PIK3C2G: variants seen among roughly 807,000 people sequenced by gnomAD.
PIK3C2G encodes phosphatidylinositol 3-kinase C2 domain-containing subunit gamma.
PIK3C2G carries 168 observed loss-of-function variants against 181.1 expected under a neutral mutation model. The ratio of observed to expected loss-of-function variants is 0.93; its 90% CI spans 0.82 to 1.05. The LOEUF (loss-of-function observed/expected upper bound fraction) is 1.05, where lower values mean the gene tolerates loss of function less well. Ranked by LOEUF, PIK3C2G falls within the 50% of genes least tolerant of loss-of-function variation. The pLI is 0.00. For synonymous variants in PIK3C2G, 573 were observed against 592.2 expected (o/e 0.97, Z 0.47); for missense variants, 1,869 against 1,732.8 (o/e 1.08, Z -1.40).
the PIK3C2G span, among the ~76,000 whole-genome samples, chr12:18,677,850 T>C: frequency 6.6e-6 from 1 of 152,078 alleles, no homozygotes; most frequent in Admixed American, 6.6e-5. Context: ...GTTTTAAAAT[T>C]GTACTTTAAT....
chr12:18,650,941 C>T (rs868502210), downstream of PIK3C2G, among the ~76,000 whole-genome samples: 10 of 151,588 alleles, frequency 6.6e-5, no homozygotes, highest in African/African-American at 2.4e-4. Context: ...GCTTACTCTG[C>T]TCCTTATAGT....
intron 18 of PIK3C2G, among the ~76,000 whole-genome samples, chr12:18,464,951 C>T (rs1339377619): frequency 2.0e-5 from 3 of 151,540 alleles, no homozygotes; most frequent in Non-Finnish European, 4.4e-5. Flanking sequence ...TTACCCTTTC[C>T]TTTGTTATCT....
intron 24 of PIK3C2G, among the ~76,000 whole-genome samples, chr12:18,523,464 C>A (rs1251781326): frequency 6.6e-6 from 1 of 152,186 alleles, no homozygotes; most frequent in Non-Finnish European, 1.5e-5. Flanking sequence ...GATCACTGCT[C>A]TGCAGCTAAA....
intron 11 of PIK3C2G, among the ~76,000 whole-genome samples, chr12:18,354,588 A>G (rs1045700202): frequency 6.6e-6 from 1 of 152,212 alleles, no homozygotes. Flanking sequence ...GCATTTACAG[A>G]AAAGTTCCAA....
the PIK3C2G span, chr12:18,687,958 A>G: frequency 8.2e-7 from 1 of 1,225,340 alleles, no homozygotes; most frequent in Non-Finnish European, 1.1e-6. Flanking sequence ...ACATTTTGCT[A>G]ATTTTGGACA....
At chr12:18,670,634 T>C in the PIK3C2G span, among the ~76,000 whole-genome samples, 2 of 152,190 alleles carry the variant, frequency 1.3e-5, no homozygotes, top group Non-Finnish European at 2.9e-5. Flanking sequence ...GCTTGGAATA[T>C]GGTAAGTGGG....
intron 24 of PIK3C2G, among the ~76,000 whole-genome samples, chr12:18,525,471 A>G (rs1943174467): frequency 6.6e-6 from 1 of 152,098 alleles, no homozygotes; most frequent in African/African-American, 2.4e-5. Flanking sequence ...AGGCTTGTTG[A>G]CTGACAGACT....
At chr12:18,490,100 A>G (rs1179697090) in intron 19 of PIK3C2G, among the ~76,000 whole-genome samples, 1 of 152,304 alleles carries the variant, frequency 6.6e-6, no homozygotes, top group East Asian at 1.9e-4. Flanking sequence ...GCACTAATTA[A>G]GCATAACTAT....
chr12:18,338,388 T>G, intron 8 of PIK3C2G, 38 bp from the exon 9 acceptor site: 1 of 1,444,078 alleles, frequency 6.9e-7, no homozygotes, highest in Non-Finnish European at 9.5e-7. Flanking sequence ...CCTCATTTAT[T>G]TCAATAGATT....
At chr12:18,298,708 T>C (rs1042850442) in intron 5 of PIK3C2G, among the ~76,000 whole-genome samples, 1 of 151,910 alleles carries the variant, frequency 6.6e-6, no homozygotes, top group African/African-American at 2.4e-5. Context: ...TAATGTACTT[T>C]GAGTTGATTT....
At chr12:18,279,137 C>A (rs952001734) in intron 1 of PIK3C2G, among the ~76,000 whole-genome samples, 1 of 152,008 alleles carries the variant, frequency 6.6e-6, no homozygotes, top group African/African-American at 2.4e-5. Flanking sequence ...ACATGTTATA[C>A]TAGTATGTCA....
intron 31 of PIK3C2G, among the ~76,000 whole-genome samples, chr12:18,635,437 TGAGATGCCCATCCAATTCGTGATGG>T (rs1330461307): frequency 6.6e-6 from 1 of 152,184 alleles, no homozygotes; most frequent in Non-Finnish European, 1.5e-5. Flanking sequence ...GCTTCATGAG[TGAGATGCCCATCCAATTCGTGATGG>T]GCAACTCGGG....
chr12:18,384,119 G>T (rs1020497299), intron 14 of PIK3C2G, among the ~76,000 whole-genome samples: 3 of 151,658 alleles, frequency 2.0e-5, no homozygotes, highest in African/African-American at 7.3e-5. Flanking sequence ...ACTGCACCCA[G>T]CCTGGACATT....
intron 1 of PIK3C2G, among the ~76,000 whole-genome samples, chr12:18,255,252 T>TAAACAAAC (rs764503759): frequency 0.04 from 5,705 of 143,612 alleles, 144 homozygotes; most frequent in East Asian, 0.054. Flanking sequence ...AATAAATAAA[T>TAAACAAAC]AAACAAACAA....
chr12:18,715,489 C>T, the PIK3C2G span, among the ~76,000 whole-genome samples: 5 of 151,748 alleles, frequency 3.3e-5, no homozygotes, highest in African/African-American at 9.7e-5. Context: ...GCAAGCTCCG[C>T]CTCCCGGGTT....
intron 10 of PIK3C2G, among the ~76,000 whole-genome samples, chr12:18,344,606 T>TC (rs1314103019): frequency 1.3e-5 from 2 of 151,912 alleles, no homozygotes; most frequent in African/African-American, 4.8e-5. Flanking sequence ...TGAGGTCTCC[T>TC]CCCCCATATT....
At chr12:18,536,898 T>G (rs1011066183) in intron 24 of PIK3C2G, among the ~76,000 whole-genome samples, 2 of 152,124 alleles carry the variant, frequency 1.3e-5, no homozygotes, top group African/African-American at 4.8e-5. Context: ...TAAATTTTGT[T>G]GAAGAAATGA....
At chr12:18,505,502 C>T (rs1941764540) in intron 24 of PIK3C2G, 41 bp downstream of exon 24, 1 of 1,484,444 alleles carries the variant, frequency 6.7e-7, no homozygotes, top group African/African-American at 1.4e-5. Context: ...AAGCAGTGTC[C>T]TAAGCAATAT....
At chr12:18,718,838 C>T in the PIK3C2G span, among the ~76,000 whole-genome samples, 2 of 152,138 alleles carry the variant, frequency 1.3e-5, no homozygotes. Context: ...TCTTATTCTG[C>T]ACTGTATCTG....
Sources: gnomAD v4.1 joint callset for allele counts (sites outside exome capture counted in the v4.1 genomes callset) on GRCh38, gnomAD v4.1.1 for gene constraint, MANE v1.5 for transcripts, NCBI Gene and HGNC (gene_info 2026-07-23, HGNC 2026-07-21) for gene names.